Variants in CCDC152 observed in about 807,000 individuals in gnomAD.
The protein encoded by CCDC152 is coiled-coil domain containing 152.
Under a neutral mutation model 38.1 loss-of-function variants are expected in CCDC152, and 37 were observed. The ratio of observed to expected loss-of-function variants is 0.97; its 90% CI spans 0.75 to 1.28. The LOEUF (loss-of-function observed/expected upper bound fraction) is 1.28. Ranked by LOEUF, CCDC152 falls within the 50% of genes most tolerant of loss-of-function variation. The probability of loss-of-function intolerance (pLI) is 0.00; values close to 1 mark genes in which losing one functional copy is unlikely to be tolerated. For missense variants in CCDC152, 259 were observed against 292.1 expected, an observed-to-expected ratio of 0.89 and a Z score of 0.83; for synonymous variants, 83 against 87.1, an observed-to-expected ratio of 0.95 and a Z score of 0.26.
Position 42,762,491 on chromosome 5 carries a change from G to T in CCDC152, c.136G>T (p.Glu46Ter). The change falls in exon 3 of 9, where the codon GAA becomes TAA. Residue 46 changes from glutamate to a stop codon, truncating the protein, a stop_gained. Transcript: ENST00000361970. LOFTEE classifies it high-confidence loss of function. ...GAACAATATACTGGATATTCAGTTG[G>T]AAAAAAGTAATTGCCTATTAAAAGT... The part of the protein sequence containing the change: ...GKNNILDIQL[E>*]KSNCLLKVMQ... 1 of 1,542,412 alleles carries T rather than the reference G, an allele frequency of 6.5e-7. No individual in the cohort carries two copies. Among genetic ancestry groups the T allele is most frequent in the Non-Finnish European group, 8.8e-7 (1 of 1,138,936 alleles).
intron 6 of CCDC152, among the ~76,000 whole-genome samples, chr5:42,788,901 G>T (rs184490831): frequency 1.4e-4 from 21 of 152,178 alleles, no homozygotes; most frequent in Non-Finnish European, 2.5e-4. Flanking sequence ...AGCTTGTGGG[G>T]TATATTTGCA....
At chr5:42,766,126 A>G (rs1382243497) in intron 3 of CCDC152, among the ~76,000 whole-genome samples, 2 of 152,244 alleles carry the variant, frequency 1.3e-5, no homozygotes, top group Non-Finnish European at 2.9e-5. Context: ...CATTTCTCAG[A>G]AGAAGACATA....
At chr5:42,756,923 C>G (rs1291144270) in intron 1 of CCDC152, 38 bp downstream of exon 1, 1 of 152,772 alleles carries the variant, frequency 6.5e-6, no homozygotes, top group Admixed American at 6.5e-5. Context: ...GAAATTCCCG[C>G]TTTCTCCATA....
At chr5:42,792,947 G>T (rs1047611396) in intron 6 of CCDC152, among the ~76,000 whole-genome samples, 5 of 152,128 alleles carry the variant, frequency 3.3e-5, no homozygotes, top group African/African-American at 1.2e-4. Context: ...TCGCACTCCT[G>T]GGTATTTACC....
At chr5:42,773,511 C>A (rs1759728454) in intron 4 of CCDC152, among the ~76,000 whole-genome samples, 2 of 151,986 alleles carry the variant, frequency 1.3e-5, no homozygotes, top group South Asian at 4.2e-4. Context: ...TACTTTTTCC[C>A]CTAGTTTCAG....
chr5:42,759,081 T>C, intron 1 of CCDC152, 39 bp from the exon 2 acceptor site: 1 of 1,325,434 alleles, frequency 7.5e-7, no homozygotes, highest in Non-Finnish European at 1.0e-6. Context: ...TTAGATCTTA[T>C]TTATTTATTT....
intron 6 of CCDC152, among the ~76,000 whole-genome samples, chr5:42,794,301 G>A (rs769318546): frequency 3.3e-5 from 5 of 152,126 alleles, no homozygotes; most frequent in African/African-American, 1.2e-4. Flanking sequence ...TACCTCCTTC[G>A]ACCTTAATGA....
At chr5:42,786,418 A>T (rs560586971) in intron 6 of CCDC152, among the ~76,000 whole-genome samples, 1 of 152,162 alleles carries the variant, frequency 6.6e-6, no homozygotes, top group South Asian at 2.1e-4. Context: ...TGCACATAGA[A>T]ATGTTCATAG....
intron 6 of CCDC152, among the ~76,000 whole-genome samples, chr5:42,787,257 C>T (rs562136456): frequency 6.6e-6 from 1 of 151,812 alleles, no homozygotes; most frequent in African/African-American, 2.4e-5. Context: ...TAAATTATTC[C>T]TTCTGCTTGG....
At chr5:42,792,611 A>G (rs1760019643) in intron 6 of CCDC152, among the ~76,000 whole-genome samples, 1 of 152,194 alleles carries the variant, frequency 6.6e-6, no homozygotes, top group Non-Finnish European at 1.5e-5. Context: ...AGTGCTCCAC[A>G]TACCACTAAG....
intron 4 of CCDC152, among the ~76,000 whole-genome samples, chr5:42,771,942 A>G (rs1759704662): frequency 6.6e-6 from 1 of 152,212 alleles, no homozygotes; most frequent in African/African-American, 2.4e-5. Flanking sequence ...CCAAAATCAG[A>G]CAAAGACACT....
At chr5:42,799,617 T>TTTA (rs4041462) in intron 8 of CCDC152, 42 bp from the exon 9 acceptor site, 785,145 of 1,443,832 alleles carry the variant, frequency 0.54, 215,665 homozygotes, top group Admixed American at 0.63. Flanking sequence ...TGTACTAAAT[T>TTTA]TTATTTCTGA....
At chr5:42,794,626 G>T (rs1185140428) in intron 6 of CCDC152, among the ~76,000 whole-genome samples, 1 of 152,188 alleles carries the variant, frequency 6.6e-6, no homozygotes, top group Non-Finnish European at 1.5e-5. Flanking sequence ...ATTAGTTCTT[G>T]CTATACTTCC....
chr5:42,759,791 G>A (rs1270102905), intron 2 of CCDC152, among the ~76,000 whole-genome samples: 1 of 152,080 alleles, frequency 6.6e-6, no homozygotes, highest in East Asian at 1.9e-4. Context: ...CCACATTTAT[G>A]TAACTTTTAC....
At chr5:42,778,101 T>C (rs777523256) in intron 4 of CCDC152, among the ~76,000 whole-genome samples, 3 of 152,222 alleles carry the variant, frequency 2.0e-5, no homozygotes, top group African/African-American at 7.2e-5. Context: ...GAAATTGTAA[T>C]AGGATGTCTA....
intron 3 of CCDC152, among the ~76,000 whole-genome samples, chr5:42,768,422 G>C (rs773725017): frequency 4.9e-4 from 75 of 152,168 alleles, no homozygotes; most frequent in Non-Finnish European, 6.2e-4. Context: ...TAGCCAAGTG[G>C]ATTTCTAAAG....
chr5:42,800,788 G>A lies in CCDC152; in HGVS notation c.*1007G>A, dbSNP rs766743459. Reference sequence around the variant, plus strand: ...CGTCAACTGGCACTGGCTTCTGTGGGTATAAGCTGCTGACTTATTTGTCAG... The same window carrying A: ...CGTCAACTGGCACTGGCTTCTGTGGATATAAGCTGCTGACTTATTTGTCAG... On this transcript the variant is annotated 3_prime_UTR_variant, in exon 9 of 9. Coordinates refer to ENST00000361970, the MANE Select transcript of CCDC152 (RefSeq NM_001134848.2). 2.2e-5 allele frequency: 36 copies of A among 1,614,048 alleles called. No individual in the cohort carries two copies. The highest frequency in any genetic ancestry group is 1.3e-4 in the Admixed American group (8 of 60,010).
intron 6 of CCDC152, among the ~76,000 whole-genome samples, chr5:42,792,738 C>A (rs941751197): frequency 6.6e-6 from 1 of 152,186 alleles, no homozygotes; most frequent in Non-Finnish European, 1.5e-5. Context: ...TAGGATTAGA[C>A]ATCTCCCAGA....
At chr5:42,799,572 G>T in intron 8 of CCDC152, 87 bp from the exon 9 acceptor site, 1 of 1,168,928 alleles carries the variant, frequency 8.6e-7, no homozygotes, top group South Asian at 1.4e-5. Context: ...AATACCAATA[G>T]CAGAAGTGCA....
Sources: gnomAD v4.1 joint callset for allele counts (sites outside exome capture counted in the v4.1 genomes callset) on GRCh38, gnomAD v4.1.1 for gene constraint, MANE v1.5 for transcripts, NCBI Gene and HGNC (gene_info 2026-07-23, HGNC 2026-07-21) for gene names.